ARID1B: variants seen among roughly 807,000 people sequenced by gnomAD.
ARID1B encodes the protein AT-rich interaction domain 1B, also known as AT-rich interactive domain-containing protein 1B.
In ARID1B, 30 loss-of-function variants were observed where a neutral mutation model predicts 212.3. The ratio of observed to expected loss-of-function variants is 0.14; its 90% CI spans 0.11 to 0.19. The LOEUF is 0.19. Among genes scored for constraint, ARID1B ranks in the 10% least tolerant of loss-of-function variants. ARID1B has a pLI of 1.00. For missense variants in ARID1B, 2,891 were observed against 3,204.0 expected (o/e 0.90, Z 2.36); for synonymous variants, 1,402 against 1,301.7 (o/e 1.08, Z -1.66).
At chr6:156,900,745 T>A (rs760019155) in intron 2 of ARID1B, among the ~76,000 whole-genome samples, 2 of 152,160 alleles carry the variant, frequency 1.3e-5, no homozygotes, top group African/African-American at 2.4e-5. Flanking sequence ...ATGGAGAAGA[T>A]TGATTGAGGC....
Position 157,206,044 on chromosome 6 carries a change from G to C in ARID1B, c.5395-123G>C. 1 of 1,127,844 alleles carries C rather than the reference G, an allele frequency of 8.9e-7. No individual in the cohort carries two copies. The highest frequency in any genetic ancestry group is 1.3e-6 in the Non-Finnish European group (1 of 789,756). The allele number at this position is 1,127,844 out of a possible 1,614,324, so 69.9% of individuals were successfully genotyped here. A position where few individuals can be genotyped will look rare whatever the true frequency, so the allele number is the denominator to read the frequency against. On this transcript the variant is annotated intron_variant, in intron 19 of 19. Coordinates refer to ENST00000636930, the MANE Select transcript of ARID1B (RefSeq NM_001374828.1). The surrounding 1 kb of genome is among the most constrained non-coding windows in gnomAD (Gnocchi z 6.8). ...CTTTCATGGTCCAGCCAAAAAGGGA[G>C]ACAAACGTGTGACAATGATGGAAAG...
At chr6:156,787,042 C>T (rs1779690849) in intron 1 of ARID1B, among the ~76,000 whole-genome samples, 1 of 148,454 alleles carries the variant, frequency 6.7e-6, no homozygotes, top group Non-Finnish European at 1.5e-5. Context: ...TTGATGTGAT[C>T]TAGTGACTCT....
chr6:156,977,570 CAT>C (rs1302012646), intron 4 of ARID1B, among the ~76,000 whole-genome samples: 1 of 152,060 alleles, frequency 6.6e-6, no homozygotes, highest in Non-Finnish European at 1.5e-5. Context: ...ATTTTTTGAA[CAT>C]GTGGAATATA....
chr6:157,207,069 G>A lies in ARID1B; in HGVS notation c.6297G>A (p.Gly2099=), dbSNP rs779360395. 1.2e-6 allele frequency: 2 copies of A among 1,614,206 alleles called. No individual in the cohort carries two copies. Among genetic ancestry groups the A allele is most frequent in the Non-Finnish European group, 1.7e-6 (2 of 1,180,044 alleles). ...ATCCAGGCCTGGTGCTGATCCTGGG[G>A]AAGCTGATTCTTCTTCACCACGAGC... ...SKHPGLVLIL[G]KLILLHHEHP... The change falls in exon 20 of 20, where the codon GGG becomes GGA. Residue 2099 remains glycine (G), a synonymous_variant. Coordinates refer to ENST00000636930, the MANE Select transcript of ARID1B (RefSeq NM_001374828.1). The surrounding 1 kb of genome is among the most constrained non-coding windows in gnomAD (Gnocchi z 8.5).
chr6:156,801,829 C>T (rs1300907274), intron 1 of ARID1B, among the ~76,000 whole-genome samples: 3 of 151,856 alleles, frequency 2.0e-5, no homozygotes, highest in Non-Finnish European at 4.4e-5. Flanking sequence ...GAAGGAAAGT[C>T]CTTGATTTCT....
At chr6:156,776,133 A>G (rs142880165), upstream of ARID1B, among the ~76,000 whole-genome samples, 5 of 152,330 alleles carry the variant, frequency 3.3e-5, no homozygotes, top group East Asian at 9.6e-4. Context: ...AACCGTAAGT[A>G]TTGTTTCTGC....
At chr6:157,128,400 T>C (rs1295722938) in intron 6 of ARID1B, among the ~76,000 whole-genome samples, 2 of 152,166 alleles carry the variant, frequency 1.3e-5, no homozygotes, top group African/African-American at 2.4e-5. Context: ...CTTTCAAAAA[T>C]GCAACAGGCA....
chr6:157,046,982 T>A (rs144798192), intron 4 of ARID1B, among the ~76,000 whole-genome samples: 1 of 152,182 alleles, frequency 6.6e-6, no homozygotes, highest in Non-Finnish European at 1.5e-5. Context: ...GTGTACTTTA[T>A]GAAAAAATTC....
rs547057714 is a variant in ARID1B, at chr6:157,082,642, C to G, written c.2248-2020C>G. On this transcript the variant is annotated intron_variant, in intron 4 of 19. Transcript: ENST00000636930. Reference sequence around the variant, plus strand: ...TGTAGCTCACTGTAGCCTTGAACTCCTGGGCTCAAGCACTCCTCCTGCCTC... The same window carrying G: ...TGTAGCTCACTGTAGCCTTGAACTCGTGGGCTCAAGCACTCCTCCTGCCTC... 3.3e-5 allele frequency among the ~76,000 whole-genome samples: 5 copies of G among 152,314 alleles called. No homozygotes were observed. The East Asian group carries it at 9.7e-4, about 29-fold the overall frequency.
At chr6:156,839,993 G>C (rs930464689) in intron 2 of ARID1B, among the ~76,000 whole-genome samples, 2 of 152,254 alleles carry the variant, frequency 1.3e-5, no homozygotes, top group African/African-American at 4.8e-5. Flanking sequence ...TTCGGAGGCA[G>C]AACTTTGTGG....
intron 2 of ARID1B, among the ~76,000 whole-genome samples, chr6:156,861,258 G>C (rs973050698): frequency 2.0e-5 from 3 of 152,196 alleles, no homozygotes; most frequent in African/African-American, 7.2e-5. Context: ...GACTGGCATG[G>C]TGTGCTGACG....
chr6:156,901,542 GC>G lies in ARID1B; in HGVS notation c.2136+21del. 6.2e-7 allele frequency: 1 copy of G among 1,607,428 alleles called. No individual in the cohort carries two copies. The highest frequency in any genetic ancestry group is 8.5e-7 in the Non-Finnish European group (1 of 1,176,844). ...CCGCAGCAGGTGAGCACAGTGCACT[GC>G]CCCGCAGGGCCCTGTTTTCTCCACC... On this transcript the variant is annotated intron_variant, in intron 3 of 19. Transcript: ENST00000636930.
In ARID1B at chr6:157,093,082, CT is replaced by C. The variant is rs200861958; in HGVS notation, c.2491+8179del. Among the ~76,000 whole-genome samples, 1,018 of 152,288 alleles carry C rather than the reference CT, an allele frequency of 6.7e-3. 12 individuals are homozygous for C. The highest frequency in any genetic ancestry group is 7.3e-3 in the Non-Finnish European group (497 of 68,034). On this transcript the variant is annotated intron_variant, in intron 5 of 19. Transcript: ENST00000636930. ...TTGGCATTGACCCGCTGCCTTCTCC[CT>C]TCGCTGAGAATGAAGATTCAGAATG...
At chr6:156,969,575 C>A (rs1477273462) in intron 4 of ARID1B, among the ~76,000 whole-genome samples, 1 of 152,182 alleles carries the variant, frequency 6.6e-6, no homozygotes, top group South Asian at 2.1e-4. Flanking sequence ...CATTTAAAAC[C>A]TTCTAATACA....
At chr6:156,831,895 A>G (rs575093912) in intron 2 of ARID1B, among the ~76,000 whole-genome samples, 1 of 152,264 alleles carries the variant, frequency 6.6e-6, no homozygotes, top group South Asian at 2.1e-4. Context: ...GAAATTGAAT[A>G]TCCTGGCTGC....
intron 3 of ARID1B, among the ~76,000 whole-genome samples, chr6:156,908,610 A>G (rs998657364): frequency 1.1e-4 from 16 of 150,854 alleles, no homozygotes; most frequent in African/African-American, 3.7e-4. Context: ...TTATTTGAAC[A>G]TTTTTTGTTT....
intron 1 of ARID1B, among the ~76,000 whole-genome samples, chr6:156,809,026 A>G (rs1781379365): frequency 6.6e-6 from 1 of 152,194 alleles, no homozygotes; most frequent in African/African-American, 2.4e-5. Context: ...CATTTTAGTA[A>G]TTTGATTTGT....
intron 4 of ARID1B, among the ~76,000 whole-genome samples, chr6:157,031,261 CT>C (rs1208498075): frequency 1.3e-5 from 2 of 152,122 alleles, no homozygotes; most frequent in South Asian, 2.1e-4. Context: ...TTAGTGTCTA[CT>C]TTTCCTTAAT....
At chr6:157,182,308 AG>A (rs1202220801) in intron 12 of ARID1B, among the ~76,000 whole-genome samples, 1 of 152,216 alleles carries the variant, frequency 6.6e-6, no homozygotes, top group African/African-American at 2.4e-5. Context: ...GGACACTCAC[AG>A]GGTAGTTGGT....
Sources: allele counts gnomAD v4.1 joint callset (sites outside exome capture counted in the v4.1 genomes callset), GRCh38; gene constraint gnomAD v4.1.1; non-coding constraint Gnocchi (gnomAD v3.1); transcripts MANE v1.5; gene names NCBI Gene and HGNC (gene_info 2026-07-23, HGNC 2026-07-21).